VPS13D: variants seen among roughly 807,000 people sequenced by gnomAD.
VPS13D encodes vacuolar protein sorting 13 homolog D, also known as intermembrane lipid transfer protein VPS13D.
VPS13D carries 187 observed loss-of-function variants against 461.9 expected under a neutral mutation model. That is an observed-to-expected ratio of 0.40 (90% CI 0.36 to 0.46). VPS13D has a LOEUF of 0.46. Ranked by LOEUF, VPS13D falls within the 20% of genes least tolerant of loss-of-function variation. VPS13D has a pLI of 0.60. For synonymous variants in VPS13D, 1,951 were observed against 1,986.3 expected, an observed-to-expected ratio of 0.98 and a Z score of 0.47; for missense variants, 4,711 against 5,364.9, an observed-to-expected ratio of 0.88 and a Z score of 3.81.
chr1:12,307,949 C>A (rs1017986115), intron 26 of VPS13D, among the ~76,000 whole-genome samples: 9 of 152,072 alleles, frequency 5.9e-5, no homozygotes, highest in Non-Finnish European at 1.3e-4. Context: ...GAGGAGAGTT[C>A]TTTTTGGTCT....
chr1:12,386,917 T>A (rs1207502337), intron 60 of VPS13D, among the ~76,000 whole-genome samples: 2 of 152,146 alleles, frequency 1.3e-5, no homozygotes, highest in East Asian at 1.9e-4. Context: ...GTGGAGAAGT[T>A]GAGAAAACAG....
intron 1 of VPS13D, among the ~76,000 whole-genome samples, chr1:12,231,961 C>G (rs1376187127): frequency 1.3e-5 from 2 of 152,192 alleles, no homozygotes; most frequent in Non-Finnish European, 2.9e-5. Context: ...CGTCACTGCA[C>G]TCCAGCCTGG....
chr1:12,467,236 A>C (rs891820122), intron 67 of VPS13D, among the ~76,000 whole-genome samples: 3 of 152,166 alleles, frequency 2.0e-5, no homozygotes, highest in Non-Finnish European at 4.4e-5. Flanking sequence ...CAGTGGCACA[A>C]CCTCGGCTCA....
chr1:12,254,193 T>A (rs1640834780), intron 7 of VPS13D, among the ~76,000 whole-genome samples: 1 of 152,204 alleles, frequency 6.6e-6, no homozygotes, highest in Non-Finnish European at 1.5e-5. Context: ...CACATCGAGA[T>A]GTTTTCCATC....
At chr1:12,475,605 T>C (rs926296401) in intron 67 of VPS13D, among the ~76,000 whole-genome samples, 1 of 152,238 alleles carries the variant, frequency 6.6e-6, no homozygotes, top group Non-Finnish European at 1.5e-5. Context: ...TTAGCACCAT[T>C]TAAGTGAGTT....
intron 65 of VPS13D, among the ~76,000 whole-genome samples, chr1:12,441,314 TA>T (rs1645127861): frequency 6.6e-6 from 1 of 152,150 alleles, no homozygotes; most frequent in Admixed American, 6.5e-5. Flanking sequence ...AGCAAATCTC[TA>T]TTGCACTCGA....
intron 67 of VPS13D, among the ~76,000 whole-genome samples, chr1:12,485,123 A>G (rs1208547985): frequency 4.6e-5 from 7 of 152,156 alleles, no homozygotes; most frequent in Non-Finnish European, 1.0e-4. Context: ...CTTCAATTCT[A>G]TTTTTATTTT....
intron 58 of VPS13D, 50 bp downstream of exon 58, chr1:12,383,205 C>T: frequency 6.6e-7 from 1 of 1,523,952 alleles, no homozygotes; most frequent in Non-Finnish European, 8.9e-7. Flanking sequence ...TTCCTCCACC[C>T]CCAATGATTA....
At chr1:12,254,671 C>T (rs1640856330) in intron 7 of VPS13D, among the ~76,000 whole-genome samples, 1 of 150,894 alleles carries the variant, frequency 6.6e-6, no homozygotes. Context: ...TTACTGGTGC[C>T]CACCAACATG....
intron 43 of VPS13D, among the ~76,000 whole-genome samples, chr1:12,345,733 T>C (rs1643661111): frequency 6.6e-6 from 1 of 152,256 alleles, no homozygotes; most frequent in South Asian, 2.1e-4. Context: ...ACACATTTCC[T>C]CACCTCTGTA....
In VPS13D at chr1:12,392,219, C is replaced by T. The variant is rs192739508; in HGVS notation, c.11634+5885C>T. On this transcript the variant is annotated intron_variant, in intron 60 of 69. Transcript: ENST00000620676. ...CTATATTAAGATCCTTGGCTGGGCCCGGTGGCTCACACCTGTAGTCTCAGC... is the reference window on the plus strand; with the variant it reads ...CTATATTAAGATCCTTGGCTGGGCCTGGTGGCTCACACCTGTAGTCTCAGC... 2.0e-3 allele frequency among the ~76,000 whole-genome samples: 307 copies of T among 152,116 alleles called. 1 individual carries two copies. Among genetic ancestry groups the T allele is most frequent in the African/African-American group, 6.8e-3 (282 of 41,490 alleles).
At chr1:12,485,360 G>A (rs979913137) in intron 67 of VPS13D, among the ~76,000 whole-genome samples, 6 of 152,192 alleles carry the variant, frequency 3.9e-5, no homozygotes, top group African/African-American at 1.4e-4. Flanking sequence ...TTGTCTGCAC[G>A]GTGGTCTTGG....
intron 44 of VPS13D, among the ~76,000 whole-genome samples, chr1:12,347,861 C>T (rs1038130806): frequency 2.6e-5 from 4 of 152,118 alleles, no homozygotes; most frequent in Non-Finnish European, 1.5e-5. Context: ...AAGAAAATTT[C>T]CTGTCACATG....
chr1:12,310,830 T>TC (rs1642722401), intron 27 of VPS13D, among the ~76,000 whole-genome samples: 1 of 122,394 alleles, frequency 8.2e-6, no homozygotes, highest in Non-Finnish European at 1.7e-5. Context: ...CTTCCCTCCT[T>TC]CCTTCCTTCC....
chr1:12,393,236 T>C (rs1476352474), intron 60 of VPS13D, among the ~76,000 whole-genome samples: 3 of 152,240 alleles, frequency 2.0e-5, no homozygotes, highest in Non-Finnish European at 4.4e-5. Flanking sequence ...ATGTCATCAG[T>C]GTAATGGACC....
At chr1:12,244,129 T>TA (rs1435887396) in intron 3 of VPS13D, 117 bp from the exon 4 acceptor site, 47 of 1,035,870 alleles carry the variant, frequency 4.5e-5, no homozygotes, top group Middle Eastern at 6.1e-4. Flanking sequence ...TTGTTTTAAA[T>TA]AAAAAAAAGT....
At position 12,378,515 on chromosome 1, in the gene VPS13D, A is replaced by G. The variant is rs1557743252; in HGVS notation, c.11005A>G (p.Lys3669Glu). 1 of 1,612,298 alleles carries G rather than the reference A, an allele frequency of 6.2e-7. No homozygotes were observed. Among genetic ancestry groups the G allele is most frequent in the Non-Finnish European group, 8.5e-7 (1 of 1,179,352 alleles). Residue 3669 changes from lysine (K) to glutamate (E), a missense_variant, in exon 56 of 70, where the codon AAG becomes GAG. By Grantham distance (56) the Lys-to-Glu change is moderately conservative. Around this residue, in one of 3 missense-constraint regions of VPS13D, gnomAD observed 4,411 missense variants for 4,937.8 expected, o/e 0.89. Transcript: ENST00000620676. ...EGSSVPHNPN[K>E]PSAARSTEGS... is the part of the protein sequence containing the mutation. ...CTCCTCAGTTCCTCACAATCCCAAT[A>G]AGCCCTCAGCCGCCCGCTCCACCGA...
At chr1:12,293,981 A>G (rs1028851174) in intron 24 of VPS13D, among the ~76,000 whole-genome samples, 1 of 152,198 alleles carries the variant, frequency 6.6e-6, no homozygotes, top group African/African-American at 2.4e-5. Flanking sequence ...CCCTTTTAGG[A>G]CTTCAGTGGG....
At chr1:12,373,261 C>T (rs1047972713) in intron 54 of VPS13D, among the ~76,000 whole-genome samples, 2 of 151,728 alleles carry the variant, frequency 1.3e-5, no homozygotes, top group African/African-American at 4.8e-5. Flanking sequence ...ACTGGGATTA[C>T]AGGGGCCTGC....
Sources: allele counts gnomAD v4.1 joint callset (sites outside exome capture counted in the v4.1 genomes callset), GRCh38; gene constraint gnomAD v4.1.1; regional missense constraint gnomAD v4.1.1; transcripts MANE v1.5; gene names NCBI Gene and HGNC (gene_info 2026-07-23, HGNC 2026-07-21).